The following SMIM13 variants were observed in gnomAD, a reference collection of about 807,000 sequenced individuals.
The protein encoded by SMIM13 is UPF0766 protein C6orf228.
A neutral mutation model predicts 5.9 loss-of-function variants in SMIM13; 3 were observed. The observed-to-expected ratio is 0.51, with a 90% confidence interval of 0.23 to 1.31. The LOEUF is 1.31. SMIM13 is among the 40% of genes most tolerant of loss of function. SMIM13 has a pLI of 0.18. For missense variants in SMIM13, 85 were observed against 109.9 expected, an observed-to-expected ratio of 0.77 and a Z score of 1.01; for synonymous variants, 55 against 46.0, an observed-to-expected ratio of 1.19 and a Z score of -0.79.
intron 1 of SMIM13, among the ~76,000 whole-genome samples, chr6:11,110,332 C>T (rs1416931567): frequency 6.6e-6 from 1 of 152,186 alleles, no homozygotes; most frequent in Non-Finnish European, 1.5e-5. Context: ...GTACTTTGGT[C>T]TCTTGCATCT....
At chr6:11,118,484 A>T (rs1476275121) in intron 1 of SMIM13, among the ~76,000 whole-genome samples, 1 of 152,204 alleles carries the variant, frequency 6.6e-6, no homozygotes, top group Admixed American at 6.5e-5. Flanking sequence ...GCCAGGTGCT[A>T]CTTTAAGGCA....
intron 1 of SMIM13, among the ~76,000 whole-genome samples, chr6:11,112,591 G>A (rs1758184450): frequency 6.6e-6 from 1 of 152,072 alleles, no homozygotes; most frequent in Admixed American, 6.5e-5. Context: ...CCTTTCTAAT[G>A]TAAATCAAAT....
chr6:11,121,283 A>G (rs1758305910), intron 1 of SMIM13, among the ~76,000 whole-genome samples: 1 of 152,144 alleles, frequency 6.6e-6, no homozygotes, highest in Non-Finnish European at 1.5e-5. Flanking sequence ...ATCCCAGGAC[A>G]TGGTTCCAGA....
intron 1 of SMIM13, among the ~76,000 whole-genome samples, chr6:11,130,331 A>G (rs564998828): frequency 6.6e-6 from 1 of 151,664 alleles, no homozygotes; most frequent in Non-Finnish European, 1.5e-5. Context: ...TGAGCTCCCT[A>G]GTTATATTAG....
intron 1 of SMIM13, among the ~76,000 whole-genome samples, chr6:11,106,822 G>A (rs2113646280): frequency 6.6e-6 from 1 of 152,356 alleles, no homozygotes; most frequent in East Asian, 1.9e-4. Flanking sequence ...CAAATGAACA[G>A]CTTCTAATAG....
At chr6:11,132,011 C>T (rs759131264) in intron 1 of SMIM13, among the ~76,000 whole-genome samples, 1 of 152,064 alleles carries the variant, frequency 6.6e-6, no homozygotes, top group Non-Finnish European at 1.5e-5. Context: ...AAAATATTTG[C>T]AAATCATATA....
At chr6:11,107,925 A>C (rs1758111120) in intron 1 of SMIM13, among the ~76,000 whole-genome samples, 1 of 152,220 alleles carries the variant, frequency 6.6e-6, no homozygotes, top group African/African-American at 2.4e-5. Flanking sequence ...GAATTACTAT[A>C]GGCATTGCCA....
intron 1 of SMIM13, chr6:11,105,455 G>A: frequency 3.2e-6 from 2 of 628,266 alleles, no homozygotes; most frequent in Non-Finnish European, 5.6e-6. Flanking sequence ...GAGGTGAAAG[G>A]ATGTTGGTGG....
intron 1 of SMIM13, among the ~76,000 whole-genome samples, chr6:11,108,623 A>G (rs551703854): frequency 2.6e-5 from 4 of 152,166 alleles, no homozygotes; most frequent in Non-Finnish European, 5.9e-5. Context: ...GCAGGTTTGC[A>G]GGGCAGTCAG....
At chr6:11,111,102 A>C (rs1758159736) in intron 1 of SMIM13, among the ~76,000 whole-genome samples, 1 of 152,240 alleles carries the variant, frequency 6.6e-6, no homozygotes, top group Non-Finnish European at 1.5e-5. Flanking sequence ...GGTAACAAGT[A>C]TAAATATCAA....
At position 11,134,690 on chromosome 6, in the gene SMIM13, T is replaced by C; in HGVS notation, c.*88T>C. On this transcript the variant is annotated 3_prime_UTR_variant, in exon 2 of 2. Transcript: ENST00000416247. ...GAAATTTACTAATGACTGAAGAACATTTGTATTGGATTTTAAGTCGAATTT... is the reference window on the plus strand; with the variant it reads ...GAAATTTACTAATGACTGAAGAACACTTGTATTGGATTTTAAGTCGAATTT... 1 of 1,032,084 alleles carries C rather than the reference T, an allele frequency of 9.7e-7. No homozygotes were observed. The allele number at this position is 1,032,084 out of a possible 1,614,324, so 63.9% of individuals were successfully genotyped here. A position where few individuals can be genotyped will look rare whatever the true frequency, so the allele number is the denominator to read the frequency against.
chr6:11,138,384 A>G lies in SMIM13; in HGVS notation c.*3782A>G, dbSNP rs1758541417. On this transcript the variant is annotated 3_prime_UTR_variant, in exon 2 of 2. Transcript: ENST00000416247. ...TTACATTTTTCATTTGTTGGTGTAC[A>G]TGTGCTACCTGTTTTATGGGGAATG... The G allele has an allele frequency of 6.6e-6, 1 of 152,178 alleles. No homozygotes were observed. Among genetic ancestry groups the G allele is most frequent in the South Asian group, 2.1e-4 (1 of 4,832 alleles). The allele number at this position is 152,178 out of a possible 1,614,324, so 9.4% of individuals were successfully genotyped here.
Position 11,134,640 on chromosome 6 carries a change from TTCTG to T in SMIM13, c.*42_*45del, listed in dbSNP as rs148370911. Reference sequence around the variant, plus strand: ...GAAGGATGAAAAGGCAGTTGCCAGCTTCTGTCTTTTACTGACTTCGCTTTGAAAT... The same window carrying T: ...GAAGGATGAAAAGGCAGTTGCCAGCTTCTTTTACTGACTTCGCTTTGAAAT... On this transcript the variant is annotated 3_prime_UTR_variant, in exon 2 of 2. Transcript: ENST00000416247. 2 of 1,386,522 alleles carry T rather than the reference TTCTG, an allele frequency of 1.4e-6. No individual in the cohort carries two copies. The highest frequency in any genetic ancestry group is 2.9e-5 in the African/African-American group (2 of 68,224). The allele number at this position is 1,386,522 out of a possible 1,614,324, so 85.9% of individuals were successfully genotyped here.
Position 11,138,667 on chromosome 6 carries a change from T to C in SMIM13, c.*4065T>C, listed in dbSNP as rs534893503. 1 of 152,304 alleles carries C rather than the reference T, an allele frequency of 6.6e-6. No homozygotes were observed. Among genetic ancestry groups the C allele is most frequent in the African/African-American group, 2.4e-5 (1 of 41,564 alleles). 9.4% of individuals were successfully genotyped at this position (152,304 alleles called of 1,614,324 possible). A position where few individuals can be genotyped will look rare whatever the true frequency, so the allele number is the denominator to read the frequency against. On this transcript the variant is annotated 3_prime_UTR_variant, in exon 2 of 2. Coordinates refer to ENST00000416247, the MANE Select transcript of SMIM13 (RefSeq NM_001135575.2). ...TTAAAACTGGTCAGTACTATGAAGC[T>C]TCTGTGGTTTGTATGATGTTTTAAC... is the stretch of plus-strand genomic sequence containing the variant.
Position 11,136,024 on chromosome 6 carries a change from G to A in SMIM13, c.*1422G>A, listed in dbSNP as rs12205389. ...TCCTGTGTGAAACACATGTTTTTGG[G>A]GGGGAGGGGGTAACCAAGATTTCAG... is the stretch of plus-strand genomic sequence containing the variant. On this transcript the variant is annotated 3_prime_UTR_variant, in exon 2 of 2. Transcript: ENST00000416247. 3.3e-5 allele frequency: 5 copies of A among 152,154 alleles called. No individual in the cohort carries two copies. The highest frequency in any genetic ancestry group is 9.6e-5 in the African/African-American group (4 of 41,510). The allele number at this position is 152,154 out of a possible 1,614,324, so 9.4% of individuals were successfully genotyped here. A position where few individuals can be genotyped will look rare whatever the true frequency, so the allele number is the denominator to read the frequency against.
chr6:11,109,412 G>A (rs915293480), intron 1 of SMIM13, among the ~76,000 whole-genome samples: 1 of 152,164 alleles, frequency 6.6e-6, no homozygotes, highest in Non-Finnish European at 1.5e-5. Flanking sequence ...CCTGGGTAGG[G>A]AGGAGAAGGC....
intron 1 of SMIM13, among the ~76,000 whole-genome samples, chr6:11,098,193 C>T (rs969651166): frequency 2.0e-5 from 3 of 152,186 alleles, no homozygotes; most frequent in Admixed American, 6.5e-5. Context: ...GTCCAAAGTT[C>T]AGATTCCTAG....
chr6:11,094,430 G>T, intron 1 of SMIM13, 41 bp downstream of exon 1: 1 of 1,477,054 alleles, frequency 6.8e-7, no homozygotes. Flanking sequence ...CCACACGCCG[G>T]GTCGCTGATC....
intron 1 of SMIM13, among the ~76,000 whole-genome samples, chr6:11,102,279 T>C (rs993790183): frequency 5.3e-5 from 8 of 152,210 alleles, no homozygotes; most frequent in African/African-American, 1.9e-4. Context: ...TTTTGAAAAA[T>C]CAATTTTTAA....
Sources: gnomAD v4.1 joint callset for allele counts (sites outside exome capture counted in the v4.1 genomes callset) on GRCh38, gnomAD v4.1.1 for gene constraint, MANE v1.5 for transcripts, NCBI Gene and HGNC (gene_info 2026-07-23, HGNC 2026-07-21) for gene names.